PDZRN4: variants seen among roughly 807,000 people sequenced by gnomAD.
PDZRN4 encodes PDZ domain containing ring finger 4, also known as PDZ domain-containing RING finger protein 4.
In PDZRN4, 70 loss-of-function variants were observed where a neutral mutation model predicts 99.0. The ratio of observed to expected loss-of-function variants is 0.71; its 90% CI spans 0.58 to 0.86. The LOEUF (loss-of-function observed/expected upper bound fraction) is 0.86, where lower values mean the gene tolerates loss of function less well. Among genes scored for constraint, PDZRN4 ranks in the 40% least tolerant of loss-of-function variants. The pLI is 0.00. For missense variants in PDZRN4, 1,474 were observed against 1,331.2 expected (o/e 1.11, Z -1.67); for synonymous variants, 551 against 501.6 (o/e 1.10, Z -1.32).
intron 3 of PDZRN4, among the ~76,000 whole-genome samples, chr12:41,225,450 T>C (rs1950987207): frequency 6.6e-6 from 1 of 151,564 alleles, no homozygotes. Flanking sequence ...TTTTTTCTGA[T>C]GTCATCTGTC....
At chr12:41,344,059 A>G (rs1006584546) in intron 3 of PDZRN4, among the ~76,000 whole-genome samples, 2 of 152,042 alleles carry the variant, frequency 1.3e-5, no homozygotes, top group African/African-American at 4.8e-5. Context: ...TTTAACACAG[A>G]CATTTTATGT....
chr12:41,569,715 CAT>C (rs1358640985), intron 9 of PDZRN4, among the ~76,000 whole-genome samples: 19 of 152,170 alleles, frequency 1.2e-4, no homozygotes, highest in Admixed American at 3.9e-4. Flanking sequence ...TGTGTGTGCA[CAT>C]GTCCACATAT....
intron 3 of PDZRN4, among the ~76,000 whole-genome samples, chr12:41,317,845 A>G (rs1015061652): frequency 2.0e-5 from 3 of 152,138 alleles, no homozygotes; most frequent in African/African-American, 7.2e-5. Flanking sequence ...AACTCACTAC[A>G]AGAGTGATTT....
intron 3 of PDZRN4, among the ~76,000 whole-genome samples, chr12:41,312,909 T>A (rs538271070): frequency 1.7e-4 from 26 of 152,174 alleles, no homozygotes; most frequent in Non-Finnish European, 3.1e-4. Context: ...AACTCCAGTG[T>A]CCGTTATGGC....
intron 3 of PDZRN4, among the ~76,000 whole-genome samples, chr12:41,267,061 T>G (rs141437727): frequency 1.0e-3 from 155 of 152,340 alleles, no homozygotes; most frequent in African/African-American, 3.2e-3. Flanking sequence ...ACTCTTTTTT[T>G]TCACGGGCTC....
At chr12:41,538,522 A>C (rs183698450) in intron 5 of PDZRN4, among the ~76,000 whole-genome samples, 3 of 152,272 alleles carry the variant, frequency 2.0e-5, no homozygotes, top group African/African-American at 7.2e-5. Flanking sequence ...ACTAAACCAG[A>C]ATGAAGAATA....
chr12:41,330,102 G>C (rs976713038), intron 3 of PDZRN4, among the ~76,000 whole-genome samples: 1 of 151,978 alleles, frequency 6.6e-6, no homozygotes, highest in African/African-American at 2.4e-5. Context: ...GAATAATTTA[G>C]GATTATCATG....
intron 3 of PDZRN4, among the ~76,000 whole-genome samples, chr12:41,222,148 A>G (rs927379109): frequency 6.6e-6 from 1 of 152,180 alleles, no homozygotes; most frequent in Non-Finnish European, 1.5e-5. Context: ...TATGGAGCAC[A>G]TAGTCTACCA....
chr12:41,265,004 A>G (rs1025200963), intron 3 of PDZRN4, among the ~76,000 whole-genome samples: 4 of 152,188 alleles, frequency 2.6e-5, no homozygotes, highest in African/African-American at 9.7e-5. Context: ...TATGTTCACT[A>G]TTTGGGTGAC....
At chr12:41,492,419 A>G (rs1468534644) in intron 3 of PDZRN4, among the ~76,000 whole-genome samples, 1 of 152,188 alleles carries the variant, frequency 6.6e-6, no homozygotes, top group African/African-American at 2.4e-5. Context: ...CATGGATAGC[A>G]TACCTTAAGA....
At chr12:41,403,175 G>C (rs1056212427) in intron 3 of PDZRN4, among the ~76,000 whole-genome samples, 1 of 152,122 alleles carries the variant, frequency 6.6e-6, no homozygotes. Flanking sequence ...ATGAGAACTT[G>C]TGATTCCCCC....
intron 3 of PDZRN4, among the ~76,000 whole-genome samples, chr12:41,500,597 G>A (rs754519823): frequency 4.6e-5 from 7 of 151,800 alleles, no homozygotes; most frequent in South Asian, 2.1e-4. Context: ...TTTAAAGGTC[G>A]AAGTTAATTT....
chr12:41,281,192 G>T (rs890381861), intron 3 of PDZRN4, among the ~76,000 whole-genome samples: 40 of 151,566 alleles, frequency 2.6e-4, no homozygotes, highest in African/African-American at 9.7e-4. Context: ...AGATGACCAC[G>T]CAAAAACTCC....
At chr12:41,214,752 C>T (rs1213891694) in intron 3 of PDZRN4, among the ~76,000 whole-genome samples, 1 of 151,784 alleles carries the variant, frequency 6.6e-6, no homozygotes, top group Non-Finnish European at 1.5e-5. Context: ...AAGCAATTTA[C>T]ATAAGATCCT....
intron 3 of PDZRN4, among the ~76,000 whole-genome samples, chr12:41,389,855 G>C (rs890745786): frequency 2.0e-5 from 3 of 152,182 alleles, no homozygotes; most frequent in African/African-American, 7.2e-5. Context: ...TGTGGGTTCT[G>C]CTGGATTTTA....
At chr12:41,462,724 T>C (rs1021357925) in intron 3 of PDZRN4, among the ~76,000 whole-genome samples, 2 of 152,126 alleles carry the variant, frequency 1.3e-5, no homozygotes, top group Non-Finnish European at 2.9e-5. Context: ...ACTCCTTTGC[T>C]ATAGAGAGAA....
At chr12:41,555,581 A>G (rs998341537) in intron 6 of PDZRN4, 117 bp from the exon 7 acceptor site, 5 of 759,468 alleles carry the variant, frequency 6.6e-6, no homozygotes, top group Non-Finnish European at 1.1e-5. Flanking sequence ...GTATACTGTC[A>G]CAAATCAACA....
chr12:41,483,009 T>C (rs1010555037), intron 3 of PDZRN4, among the ~76,000 whole-genome samples: 5 of 151,882 alleles, frequency 3.3e-5, no homozygotes, highest in South Asian at 4.2e-4. Context: ...TTCATATTGA[T>C]ATTAAAAATT....
intron 3 of PDZRN4, among the ~76,000 whole-genome samples, chr12:41,211,661 C>T (rs771100355): frequency 2.3e-4 from 35 of 151,810 alleles, no homozygotes; most frequent in Non-Finnish European, 3.8e-4. Context: ...TACACTCTGC[C>T]GATTTGATAA....
Sources: allele counts gnomAD v4.1 joint callset (sites outside exome capture counted in the v4.1 genomes callset), GRCh38; gene constraint gnomAD v4.1.1; transcripts MANE v1.5; gene names NCBI Gene and HGNC (gene_info 2026-07-23, HGNC 2026-07-21).